Variants in KNDC1 observed in about 807,000 individuals in gnomAD.
KNDC1 encodes the protein kinase non-catalytic C-lobe domain containing 1.
Under a neutral mutation model 172.8 loss-of-function variants are expected in KNDC1, and 106 were observed. The observed-to-expected ratio is 0.61, with a 90% CI of 0.52 to 0.72. The LOEUF (loss-of-function observed/expected upper bound fraction) is 0.72, where lower values mean the gene tolerates loss of function less well. Ranked by LOEUF, KNDC1 falls within the 30% of genes least tolerant of loss-of-function variation. The pLI is 0.00. For missense variants in KNDC1, 2,325 were observed against 2,394.5 expected, an observed-to-expected ratio of 0.97 and a Z score of 0.61; for synonymous variants, 1,083 against 1,062.2, an observed-to-expected ratio of 1.02 and a Z score of -0.38.
At position 133,189,764 on chromosome 10, in the gene KNDC1, C is replaced by A. The variant is rs369664658; in HGVS notation, c.1526C>A (p.Ser509Ter). 6.2e-7 allele frequency: 1 copy of A among 1,614,040 alleles called. No homozygotes were observed. Among genetic ancestry groups the A allele is most frequent in the Non-Finnish European group, 8.5e-7 (1 of 1,179,998 alleles). Reference sequence around the variant, plus strand: ...GTTTCTCTCTTAGGTTCCTATGACTCGTTCTTTCTGGCTCCCGAGCTGGCA... The same window carrying A: ...GTTTCTCTCTTAGGTTCCTATGACTAGTTCTTTCTGGCTCCCGAGCTGGCA... ...QPPPANGSYD[S>*]FFLAPELAEE... is the part of the protein sequence containing the mutation. The change falls in exon 9 of 30, where the codon TCG becomes TAG. Residue 509 changes from serine to a stop codon, truncating the protein, a stop_gained. Transcript: ENST00000304613. LOFTEE classifies it high-confidence loss of function.
intron 17 of KNDC1, 116 bp downstream of exon 17, chr10:133,202,014 C>A: frequency 8.3e-7 from 1 of 1,201,428 alleles, no homozygotes; most frequent in Non-Finnish European, 1.2e-6. Context: ...AACAGGGTGA[C>A]ACTGGTCCTG....
chr10:133,198,637 A>T lies in KNDC1; in HGVS notation c.2129A>T (p.Glu710Val). ...SEERGGQREG[E>V]GEEKLSLEAH... ...GAGAGGGGCGGCCAGAGGGAGGGAG[A>T]AGGTGAGGAGAAGCTCTCCCTGGAG... Residue 710 changes from glutamate (E) to valine (V), a missense_variant, in exon 14 of 30, where the codon GAA becomes GTA. Transcript: ENST00000304613. 1 of 1,605,628 alleles carries T rather than the reference A, an allele frequency of 6.2e-7. No homozygotes were observed. The highest frequency in any genetic ancestry group is 1.1e-5 in the South Asian group (1 of 89,856).
intron 26 of KNDC1, among the ~76,000 whole-genome samples, chr10:133,215,960 A>G (rs1425512377): frequency 5.3e-5 from 8 of 152,226 alleles, no homozygotes; most frequent in Non-Finnish European, 8.8e-5. Flanking sequence ...ACGGGAGCGG[A>G]CGGACCTCGC....
intron 23 of KNDC1, 129 bp downstream of exon 23, chr10:133,211,987 GCATA>G: frequency 1.2e-6 from 1 of 841,796 alleles, no homozygotes. Flanking sequence ...CTGTATACAT[GCATA>G]CACATAGACG....
Position 133,188,538 on chromosome 10 carries a change from G to A in KNDC1, c.1327-1G>A. ...TGACCTCGCCGCTCTCCTGCCCACAGTGGGTGTCCCTGCAGGACCTCCTGT... is the reference window on the plus strand; with the variant it reads ...TGACCTCGCCGCTCTCCTGCCCACAATGGGTGTCCCTGCAGGACCTCCTGT... On this transcript the variant is annotated splice_acceptor_variant, in intron 6 of 29. Transcript: ENST00000304613. LOFTEE classifies it high-confidence loss of function. 1.9e-6 allele frequency: 3 copies of A among 1,554,682 alleles called. No individual in the cohort carries two copies. Among genetic ancestry groups the A allele is most frequent in the South Asian group, 1.2e-5 (1 of 84,634 alleles).
intron 6 of KNDC1, among the ~76,000 whole-genome samples, 155 bp downstream of exon 6, chr10:133,186,829 T>G (rs1853933379): frequency 6.6e-6 from 1 of 152,190 alleles, no homozygotes; most frequent in African/African-American, 2.4e-5. Context: ...CTGCCCCGTT[T>G]CTGAAGGAAG....
At chr10:133,201,343 T>C (rs1589762389) in intron 16 of KNDC1, among the ~76,000 whole-genome samples, 158 bp from the exon 17 acceptor site, 1 of 152,246 alleles carries the variant, frequency 6.6e-6, no homozygotes, top group East Asian at 1.9e-4. Context: ...TCCCCTGCAC[T>C]GGGAGGCGGC....
chr10:133,165,417 C>G (rs10776664), intron 1 of KNDC1, among the ~76,000 whole-genome samples: 95,180 of 152,084 alleles, frequency 0.63, 29,964 homozygotes, highest in Admixed American at 0.72. Flanking sequence ...CGACACCATT[C>G]TGTGGGCTGG....
Position 133,220,709 on chromosome 10 carries a change from G to C in KNDC1, c.5018+597G>C, listed in dbSNP as rs1476756361. Among the ~76,000 whole-genome samples the C allele has an allele frequency of 7.4e-3, 362 of 48,898 alleles. 18 individuals carry two copies. The highest frequency in any genetic ancestry group is 0.028 in the African/African-American group (287 of 10,286). 32.1% of individuals were successfully genotyped at this position (48,898 alleles called of 152,430 possible). ...CCCAGGTGAGGAGGGGCTCAGGCGG[G>C]CGCGCGCCCAGGAGAGGAGGGGCTC... On this transcript the variant is annotated intron_variant, in intron 29 of 29. Coordinates refer to ENST00000304613, the MANE Select transcript of KNDC1 (RefSeq NM_152643.8).
chr10:133,220,070 G>A lies in KNDC1; in HGVS notation c.4976G>A (p.Gly1659Asp). 4 of 1,566,466 alleles carry A rather than the reference G, an allele frequency of 2.6e-6. No individual in the cohort carries two copies. Among genetic ancestry groups the A allele is most frequent in the Non-Finnish European group, 3.5e-6 (4 of 1,155,618 alleles). The change falls in exon 29 of 30, where the codon GGC becomes GAC. Residue 1659 changes from glycine (G) to aspartate (D), a missense_variant. Coordinates refer to ENST00000304613, the MANE Select transcript of KNDC1 (RefSeq NM_152643.8). ...CACATCCAGCAGCTGGAGACAGGCG[G>A]CTTCACCATGACCAACGGGGCCCAC... ...AMHIQQLETGGFTMTNGAHRW... is the reference protein window; with the variant it reads ...AMHIQQLETGDFTMTNGAHRW...
intron 3 of KNDC1, among the ~76,000 whole-genome samples, chr10:133,180,767 C>A (rs1009490677): frequency 1.3e-5 from 2 of 152,326 alleles, no homozygotes; most frequent in Admixed American, 1.3e-4. Flanking sequence ...GCTCGGCAGT[C>A]CTACCTCAGC....
intron 10 of KNDC1, among the ~76,000 whole-genome samples, chr10:133,196,499 T>C (rs1042253269): frequency 3.3e-5 from 5 of 151,666 alleles, no homozygotes; most frequent in African/African-American, 1.2e-4. Flanking sequence ...GGCCATGGGG[T>C]TGGGGACCTG....
At chr10:133,207,456 T>C in intron 20 of KNDC1, 105 bp downstream of exon 20, 2 of 1,059,092 alleles carry the variant, frequency 1.9e-6, no homozygotes, top group South Asian at 1.5e-5. Flanking sequence ...GTTTGCACTT[T>C]TTAGTTTAGA....
intron 25 of KNDC1, 75 bp from the exon 26 acceptor site, chr10:133,213,897 G>C: frequency 6.3e-7 from 1 of 1,583,514 alleles, no homozygotes; most frequent in South Asian, 1.1e-5. Context: ...AGCCCACCCT[G>C]CACCAGCAGC....
intron 3 of KNDC1, among the ~76,000 whole-genome samples, chr10:133,178,475 C>G (rs879835628): frequency 1.3e-5 from 2 of 152,158 alleles, no homozygotes; most frequent in Non-Finnish European, 2.9e-5. Context: ...CGGATTTACC[C>G]GAAAAGATCA....
At chr10:133,165,911 G>A (rs1418286353) in intron 1 of KNDC1, among the ~76,000 whole-genome samples, 1 of 152,166 alleles carries the variant, frequency 6.6e-6, no homozygotes, top group Non-Finnish European at 1.5e-5. Context: ...AAGGGCCTGG[G>A]AAATGATGTC....
intron 26 of KNDC1, 33 bp downstream of exon 26, chr10:133,214,155 G>C: frequency 6.2e-7 from 1 of 1,610,888 alleles, no homozygotes; most frequent in Non-Finnish European, 8.5e-7. Flanking sequence ...GCCAACACGG[G>C]GCGTGGGGCC....
intron 20 of KNDC1, among the ~76,000 whole-genome samples, chr10:133,208,833 G>C (rs1221192794): frequency 6.6e-6 from 1 of 152,020 alleles, no homozygotes. Context: ...TGTGTGATGT[G>C]CTTTGTTGTG....
rs755628648 is a variant in KNDC1, at chr10:133,183,333, C to G, written c.361-11C>G. ...AGAGACTCTGGAGCTGACAGCCTGT[C>G]GTGCCCACAGGCGCACATCTACTCT... On this transcript the variant is annotated splice_polypyrimidine_tract_variant and intron_variant, in intron 3 of 29. Transcript: ENST00000304613. The G allele has an allele frequency of 1.9e-6, 3 of 1,582,988 alleles. No individual in the cohort carries two copies. The highest frequency in any genetic ancestry group is 2.6e-6 in the Non-Finnish European group (3 of 1,164,186).
Sources: allele counts gnomAD v4.1 joint callset (sites outside exome capture counted in the v4.1 genomes callset), GRCh38; gene constraint gnomAD v4.1.1; transcripts MANE v1.5; gene names NCBI Gene and HGNC (gene_info 2026-07-23, HGNC 2026-07-21).